KCNMB2: variants seen among roughly 807,000 people sequenced by gnomAD.
KCNMB2 encodes the protein calcium-activated potassium channel subunit beta-2.
KCNMB2 carries 9 observed loss-of-function variants against 24.5 expected under a neutral mutation model. That is an observed-to-expected ratio of 0.37 (90% CI 0.22 to 0.64). The LOEUF (loss-of-function observed/expected upper bound fraction) is 0.64, where lower values mean the gene tolerates loss of function less well. KCNMB2 is among the 30% of genes least tolerant of loss of function. The pLI, the probability that KCNMB2 is intolerant of heterozygous loss-of-function variation, is 0.63. For synonymous variants in KCNMB2, 109 were observed against 104.4 expected (o/e 1.04, Z -0.27); for missense variants, 226 against 284.3 (o/e 0.79, Z 1.47).
rs555654767 is a variant in KCNMB2 at position 178,670,547 on chromosome 3, A to G, written c.-68+133836A>G. ...ATTAGCAGAATAAACCTACCTAAAG[A>G]TGATGGCTCATTGTTCAACTCCTAA... On this transcript the variant is annotated intron_variant, in intron 1 of 4. Transcript: ENST00000452583. Among the ~76,000 whole-genome samples, 3 of 152,306 alleles carry G rather than the reference A, an allele frequency of 2.0e-5. No homozygotes were observed. The South Asian group carries it at 6.2e-4, about 32-fold the overall frequency.
intron 1 of KCNMB2, among the ~76,000 whole-genome samples, chr3:178,569,364 A>G (rs1716685596): frequency 6.6e-6 from 1 of 151,740 alleles, no homozygotes; most frequent in South Asian, 2.1e-4. Flanking sequence ...ACCTCGGTTC[A>G]TGTAACCACA....
At chr3:178,685,692 AGTT>A (rs1721444758) in intron 1 of KCNMB2, among the ~76,000 whole-genome samples, 1 of 152,242 alleles carries the variant, frequency 6.6e-6, no homozygotes, top group Non-Finnish European at 1.5e-5. Context: ...AAACCTGAGC[AGTT>A]GTTATTTCCT....
At chr3:178,760,175 C>A (rs1193118564) in intron 1 of KCNMB2, among the ~76,000 whole-genome samples, 1 of 16,296 alleles carries the variant, frequency 6.1e-5, no homozygotes, top group Non-Finnish European at 1.0e-4. Context: ...TATATATATC[C>A]AAGAGGATAT....
intron 1 of KCNMB2, among the ~76,000 whole-genome samples, chr3:178,641,147 T>C (rs1389460350): frequency 6.6e-6 from 1 of 152,176 alleles, no homozygotes; most frequent in Non-Finnish European, 1.5e-5. Flanking sequence ...TCTAACTTTG[T>C]TCTTCTTCAG....
Position 178,606,029 on chromosome 3 carries a change from G to A in KCNMB2, c.-68+69318G>A, listed in dbSNP as rs771285359. On this transcript the variant is annotated intron_variant, in intron 1 of 4. Coordinates refer to ENST00000452583, the MANE Select transcript of KCNMB2 (RefSeq NM_181361.3). ...GATAAGATTTGTGTGGGCATAAACT[G>A]TAGATTTAATCAGCCACCCCAGAAG... Among the ~76,000 whole-genome samples the A allele has an allele frequency of 6.0e-4, 91 of 152,186 alleles. 1 individual carries two copies. The highest frequency in any genetic ancestry group is 3.9e-4 in the Admixed American group (6 of 15,270).
intron 1 of KCNMB2, among the ~76,000 whole-genome samples, chr3:178,638,084 C>T (rs983064045): frequency 3.3e-5 from 5 of 152,148 alleles, no homozygotes; most frequent in Non-Finnish European, 5.9e-5. Context: ...ATCAGCACCT[C>T]GATTCAGACC....
At chr3:178,780,401 C>T (rs967359202) in intron 1 of KCNMB2, among the ~76,000 whole-genome samples, 1 of 152,196 alleles carries the variant, frequency 6.6e-6, no homozygotes, top group African/African-American at 2.4e-5. Flanking sequence ...CAACACCATG[C>T]CTCCCAGTTG....
intron 1 of KCNMB2, among the ~76,000 whole-genome samples, chr3:178,603,679 G>C (rs1718175346): frequency 6.6e-6 from 1 of 152,164 alleles, no homozygotes; most frequent in South Asian, 2.1e-4. Flanking sequence ...AGACCATAGG[G>C]AGAGCATGTT....
At chr3:178,741,868 T>C (rs75635471) in intron 1 of KCNMB2, among the ~76,000 whole-genome samples, 1,840 of 152,332 alleles carry the variant, frequency 0.012, 43 homozygotes, top group African/African-American at 0.042. Context: ...CCAAGGCTCA[T>C]AGGATAGATT....
rs1718386435 is a variant in KCNMB2, at chr3:178,609,163, G to GT, written c.-68+72458dup. ...TCCTCGCCAGCATTTGTTATTGCCTGTTTTTTGGCTACAAACCATTTTAAC... is the reference window on the plus strand; with the variant it reads ...TCCTCGCCAGCATTTGTTATTGCCTGTTTTTTTGGCTACAAACCATTTTAAC... On this transcript the variant is annotated intron_variant, in intron 1 of 4. Transcript: ENST00000452583. Among the ~76,000 whole-genome samples, 3 of 152,252 alleles carry GT rather than the reference G, an allele frequency of 2.0e-5. No individual in the cohort carries two copies. The South Asian group carries it at 6.2e-4, about 32-fold the overall frequency.
chr3:178,555,234 A>C (rs1013079642), intron 1 of KCNMB2, among the ~76,000 whole-genome samples: 5 of 152,060 alleles, frequency 3.3e-5, no homozygotes, highest in African/African-American at 9.7e-5. Context: ...CAATAAAATA[A>C]CTCTTCATTG....
chr3:178,834,532 T>C (rs1334018373), intron 4 of KCNMB2, among the ~76,000 whole-genome samples: 1 of 152,020 alleles, frequency 6.6e-6, no homozygotes, highest in African/African-American at 2.4e-5. Context: ...TAAGAAACAA[T>C]GAGCAAGGAA....
At chr3:178,842,226 G>T (rs919096947) in intron 4 of KCNMB2, among the ~76,000 whole-genome samples, 1 of 152,146 alleles carries the variant, frequency 6.6e-6, no homozygotes, top group African/African-American at 2.4e-5. Flanking sequence ...TATGTGGACA[G>T]ATGTGGACAG....
chr3:178,679,397 A>AT (rs1204319331), intron 1 of KCNMB2, among the ~76,000 whole-genome samples: 1 of 152,156 alleles, frequency 6.6e-6, no homozygotes, highest in Non-Finnish European at 1.5e-5. Flanking sequence ...TACCCAGCCT[A>AT]TGGGCTCTAT....
intron 1 of KCNMB2, among the ~76,000 whole-genome samples, chr3:178,700,767 G>A (rs1482858242): frequency 7.7e-6 from 1 of 129,952 alleles, no homozygotes; most frequent in Non-Finnish European, 1.6e-5. Flanking sequence ...GATGAGTAGT[G>A]TAAAAAAAAA....
rs185947148 is a variant in KCNMB2 at position 178,754,024 on chromosome 3, G to A, written c.-67-53319G>A. Among the ~76,000 whole-genome samples, 1,131 of 151,698 alleles carry A rather than the reference G, an allele frequency of 7.5e-3. 3 individuals carry two copies. Among genetic ancestry groups the A allele is most frequent in the Non-Finnish European group, 0.012 (803 of 67,924 alleles). On this transcript the variant is annotated intron_variant, in intron 1 of 4. Transcript: ENST00000452583. ...CAATGTTTTTAGATTTCACATATAA[G>A]TGAGATTATGCAGTATTTATCTTTC...
chr3:178,778,694 G>C (rs535551996), intron 1 of KCNMB2, among the ~76,000 whole-genome samples: 1 of 152,248 alleles, frequency 6.6e-6, no homozygotes, highest in South Asian at 2.1e-4. Context: ...GTTTGGCCTG[G>C]ATTTGTCCAC....
At position 178,637,830 on chromosome 3, in the gene KCNMB2, C is replaced by T. The variant is rs1719583706; in HGVS notation, c.-68+101119C>T. Among the ~76,000 whole-genome samples, 3 of 152,280 alleles carry T rather than the reference C, an allele frequency of 2.0e-5. No individual in the cohort carries two copies. The South Asian group carries it at 6.2e-4, about 32-fold the overall frequency. ...TCTCCCTTTACAACATCTTACTGGA[C>T]ATGTTCCTACTTGGGTGTTCTATAA... On this transcript the variant is annotated intron_variant, in intron 1 of 4. Transcript: ENST00000452583.
chr3:178,540,200 C>T (rs1715570439), intron 1 of KCNMB2, among the ~76,000 whole-genome samples: 1 of 152,188 alleles, frequency 6.6e-6, no homozygotes, highest in Non-Finnish European at 1.5e-5. Context: ...GTGATCCTCT[C>T]TTTCTTTTGC....
Sources: allele counts gnomAD v4.1 joint callset (sites outside exome capture counted in the v4.1 genomes callset), GRCh38; gene constraint gnomAD v4.1.1; transcripts MANE v1.5; gene names NCBI Gene and HGNC (gene_info 2026-07-23, HGNC 2026-07-21).